Variants in SMC5 observed in about 807,000 individuals in gnomAD.
SMC5 encodes structural maintenance of chromosomes protein 5.
In SMC5, 88 loss-of-function variants were observed where a neutral mutation model predicts 148.3. The observed-to-expected ratio is 0.59, with a 90% confidence interval of 0.50 to 0.71. The LOEUF (loss-of-function observed/expected upper bound fraction) is 0.71. SMC5 is among the 30% of genes least tolerant of loss of function. The pLI is 0.00. For synonymous variants in SMC5, 421 were observed against 432.8 expected, an observed-to-expected ratio of 0.97 and a Z score of 0.34; for missense variants, 1,142 against 1,298.9, an observed-to-expected ratio of 0.88 and a Z score of 1.86.
chr9:70,319,836 A>G (rs183374960), intron 15 of SMC5, among the ~76,000 whole-genome samples: 2 of 152,334 alleles, frequency 1.3e-5, no homozygotes, highest in East Asian at 1.9e-4. Context: ...TTTATTATGT[A>G]ATATTTTTAA....
intron 7 of SMC5, among the ~76,000 whole-genome samples, chr9:70,283,911 G>C (rs139786665): frequency 2.0e-5 from 3 of 152,216 alleles, no homozygotes; most frequent in African/African-American, 7.2e-5. Context: ...ATTTATACAG[G>C]TTTGACTAAT....
intron 1 of SMC5, among the ~76,000 whole-genome samples, chr9:70,261,249 C>A (rs2034121441): frequency 6.6e-6 from 1 of 152,118 alleles, no homozygotes; most frequent in Non-Finnish European, 1.5e-5. Flanking sequence ...TAGGCAGCCA[C>A]GGTGTGTTTT....
chr9:70,346,083 G>C (rs564078614), intron 18 of SMC5, among the ~76,000 whole-genome samples: 42 of 152,222 alleles, frequency 2.8e-4, no homozygotes, highest in Non-Finnish European at 4.4e-4. Flanking sequence ...GGAGAAACAG[G>C]GTTGCTTAAA....
In SMC5 at chr9:70,279,588, G is replaced by A. The variant is rs1256937866; in HGVS notation, c.678+963G>A. Among the ~76,000 whole-genome samples the A allele has an allele frequency of 2.0e-5, 3 of 152,044 alleles. No individual in the cohort carries two copies. The South Asian group carries it at 6.2e-4, about 32-fold the overall frequency. On this transcript the variant is annotated intron_variant, in intron 5 of 24. Transcript: ENST00000361138. The stretch of plus-strand genomic sequence containing the variant: ...TCCCAGCACTTTAGGAGGCCAAGGC[G>A]GGTGGATCACCTGAGGTCAGGAGTT...
chr9:70,272,940 G>C (rs2034491632), intron 3 of SMC5, among the ~76,000 whole-genome samples: 1 of 152,146 alleles, frequency 6.6e-6, no homozygotes, highest in African/African-American at 2.4e-5. Context: ...TATTGAGTTG[G>C]TCATATCATT....
intron 11 of SMC5, 41 bp downstream of exon 11, chr9:70,305,401 T>A (rs2035470826): frequency 8.5e-7 from 1 of 1,177,240 alleles, no homozygotes; most frequent in African/African-American, 1.6e-5. Flanking sequence ...CACTTGACAC[T>A]TACTTTCAGC....
intron 10 of SMC5, among the ~76,000 whole-genome samples, chr9:70,304,412 C>T (rs1587668034): frequency 2.0e-5 from 3 of 152,134 alleles, no homozygotes; most frequent in African/African-American, 7.2e-5. Context: ...ATAGGTCGGG[C>T]ACAGTGACTC....
chr9:70,315,677 T>G, intron 13 of SMC5, 99 bp downstream of exon 13: 1 of 993,806 alleles, frequency 1.0e-6, no homozygotes, highest in Non-Finnish European at 1.4e-6. Flanking sequence ...AGAATTTAAG[T>G]AAGTCTGTTG....
intron 17 of SMC5, among the ~76,000 whole-genome samples, chr9:70,333,496 C>T (rs2036277204): frequency 6.6e-6 from 1 of 151,854 alleles, no homozygotes; most frequent in South Asian, 2.1e-4. Flanking sequence ...TTTGGGAGGC[C>T]GAGGTGGCCA....
In SMC5 at chr9:70,259,063, C is replaced by T. The variant is rs938111130; in HGVS notation, c.-16C>T. On this transcript the variant is annotated 5_prime_UTR_variant, in exon 1 of 25. The change creates a new upstream start codon in the 5' untranslated region. Transcript: ENST00000361138. ...GGTGGGAACGGAAGTCGCTGTGGGACGCTGAGGAAGCCAGGATGGCGACTC... is the reference window on the plus strand; with the variant it reads ...GGTGGGAACGGAAGTCGCTGTGGGATGCTGAGGAAGCCAGGATGGCGACTC... 1.3e-6 allele frequency: 2 copies of T among 1,594,976 alleles called. No homozygotes were observed. Among genetic ancestry groups the T allele is most frequent in the East Asian group, 2.3e-5 (1 of 43,820 alleles).
At chr9:70,318,151 G>C (rs1048394567) in intron 13 of SMC5, among the ~76,000 whole-genome samples, 1 of 152,164 alleles carries the variant, frequency 6.6e-6, no homozygotes, top group Non-Finnish European at 1.5e-5. Flanking sequence ...GGAAGACCCA[G>C]GCGGGAGAAT....
intron 10 of SMC5, among the ~76,000 whole-genome samples, chr9:70,301,832 G>T (rs1564043526): frequency 6.6e-6 from 1 of 152,054 alleles, no homozygotes; most frequent in African/African-American, 2.4e-5. Context: ...CATAAAGTAG[G>T]TTATGGAATA....
intron 17 of SMC5, among the ~76,000 whole-genome samples, chr9:70,333,547 A>G (rs1367806940): frequency 6.6e-6 from 1 of 152,020 alleles, no homozygotes; most frequent in East Asian, 1.9e-4. Flanking sequence ...CCTGGCCAAC[A>G]TGGCAAAACC....
chr9:70,274,907 CAT>C (rs1249865128), intron 3 of SMC5, among the ~76,000 whole-genome samples: 1 of 151,890 alleles, frequency 6.6e-6, no homozygotes, highest in Admixed American at 6.6e-5. Flanking sequence ...CTCCTCAAAA[CAT>C]TATTATTAAT....
intron 5 of SMC5, among the ~76,000 whole-genome samples, 173 bp downstream of exon 5, chr9:70,278,798 AT>A (rs2034668006): frequency 6.6e-6 from 1 of 152,194 alleles, no homozygotes; most frequent in Non-Finnish European, 1.5e-5. Context: ...AATGGATCTA[AT>A]AATGTGAAGT....
At chr9:70,260,742 T>C (rs1035140340) in intron 1 of SMC5, among the ~76,000 whole-genome samples, 1 of 152,146 alleles carries the variant, frequency 6.6e-6, no homozygotes, top group African/African-American at 2.4e-5. Flanking sequence ...GAGAAAGGGC[T>C]TTGTAAAGAA....
chr9:70,290,470 A>C (rs2035027814), intron 8 of SMC5, among the ~76,000 whole-genome samples: 1 of 152,210 alleles, frequency 6.6e-6, no homozygotes, highest in Non-Finnish European at 1.5e-5. Context: ...ACAAAGACTA[A>C]ATATATATGT....
At chr9:70,335,391 G>A (rs2036332218) in intron 17 of SMC5, among the ~76,000 whole-genome samples, 1 of 152,118 alleles carries the variant, frequency 6.6e-6, no homozygotes, top group Non-Finnish European at 1.5e-5. Context: ...AGAGGCTGAG[G>A]TTGGAGAATC....
At position 70,282,470 on chromosome 9, in the gene SMC5, G is replaced by A. The variant is rs1318835875; in HGVS notation, c.868G>A (p.Asp290Asn). 1 of 1,606,600 alleles carries A rather than the reference G, an allele frequency of 6.2e-7. No individual in the cohort carries two copies. Among genetic ancestry groups the A allele is most frequent in the Admixed American group, 1.7e-5 (1 of 58,424 alleles). ...ATATGAAGAAGTAAAACTAGTTCGT[G>A]ACCGAGTGAAGGAAGAGGTCAGAAA... ...QEYEEVKLVR[D>N]RVKEEVRKLK... Residue 290 changes from aspartate to asparagine, a missense_variant, in exon 7 of 25, where the codon GAC (aspartate) becomes AAC (asparagine). This residue lies in a region of SMC5 where 743 missense variants were observed against 835.7 expected (regional missense o/e 0.89). Transcript: ENST00000361138.
Sources: allele counts gnomAD v4.1 joint callset (sites outside exome capture counted in the v4.1 genomes callset), GRCh38; gene constraint gnomAD v4.1.1; regional missense constraint gnomAD v4.1.1; transcripts MANE v1.5; gene names NCBI Gene and HGNC (gene_info 2026-07-23, HGNC 2026-07-21).